Variants in CA10 observed in about 807,000 individuals in gnomAD.
CA10 encodes the protein carbonic anhydrase-related protein 10.
CA10 carries 14 observed loss-of-function variants against 44.2 expected under a neutral mutation model. The observed-to-expected ratio is 0.32, with a 90% confidence interval of 0.21 to 0.50. The LOEUF (loss-of-function observed/expected upper bound fraction) is 0.50, where lower values mean the gene tolerates loss of function less well. CA10 is among the 20% of genes least tolerant of loss of function. The pLI, the probability that CA10 is intolerant of heterozygous loss-of-function variation, is 0.99. For missense variants in CA10, 350 were observed against 409.7 expected, an observed-to-expected ratio of 0.85 and a Z score of 1.26; for synonymous variants, 159 against 141.6, an observed-to-expected ratio of 1.12 and a Z score of -0.87.
chr17:52,014,719 G>C (rs1324162938), intron 2 of CA10, among the ~76,000 whole-genome samples: 1 of 151,858 alleles, frequency 6.6e-6, no homozygotes, highest in Non-Finnish European at 1.5e-5. Flanking sequence ...TATAATATTA[G>C]TATCCAGAAC....
chr17:51,670,154 T>C (rs1321221713), intron 4 of CA10, among the ~76,000 whole-genome samples: 1 of 152,184 alleles, frequency 6.6e-6, no homozygotes, highest in Non-Finnish European at 1.5e-5. Context: ...CTCTTTTCTT[T>C]ATAAATTACC....
At chr17:51,804,578 T>C (rs1014772197) in intron 3 of CA10, among the ~76,000 whole-genome samples, 2 of 152,220 alleles carry the variant, frequency 1.3e-5, no homozygotes, top group African/African-American at 2.4e-5. Context: ...TCTATTAATA[T>C]AGACTCCCAG....
intron 3 of CA10, among the ~76,000 whole-genome samples, chr17:51,856,846 G>A (rs1979068660): frequency 6.6e-6 from 1 of 152,160 alleles, no homozygotes; most frequent in Non-Finnish European, 1.5e-5. Context: ...TCAACAGGCT[G>A]ATAAAATGGT....
At chr17:51,992,935 C>T (rs1985094529) in intron 2 of CA10, among the ~76,000 whole-genome samples, 1 of 152,164 alleles carries the variant, frequency 6.6e-6, no homozygotes, top group Admixed American at 6.5e-5. Context: ...AAAAATTATT[C>T]GCGATAAAAT....
chr17:51,789,013 T>C (rs556639030), intron 3 of CA10, among the ~76,000 whole-genome samples: 1 of 152,332 alleles, frequency 6.6e-6, no homozygotes, highest in South Asian at 2.1e-4. Context: ...TACAGTTTTC[T>C]TTCTTTCTTT....
intron 1 of CA10, among the ~76,000 whole-genome samples, chr17:52,125,171 C>G (rs1171070725): frequency 6.6e-6 from 1 of 152,220 alleles, no homozygotes; most frequent in African/African-American, 2.4e-5. Flanking sequence ...GCTGAGTCAG[C>G]GTTGGTGTCA....
intron 2 of CA10, among the ~76,000 whole-genome samples, chr17:52,039,229 A>C (rs1986701602): frequency 6.6e-6 from 1 of 152,168 alleles, no homozygotes; most frequent in Non-Finnish European, 1.5e-5. Flanking sequence ...TTATTATTGT[A>C]GCACTGAAAT....
chr17:51,924,581 C>G (rs931121742), intron 3 of CA10, among the ~76,000 whole-genome samples: 1 of 152,162 alleles, frequency 6.6e-6, no homozygotes, highest in African/African-American at 2.4e-5. Context: ...CTTGCATGGA[C>G]TGATTCAACA....
intron 3 of CA10, among the ~76,000 whole-genome samples, chr17:51,836,193 A>G (rs989472313): frequency 5.9e-5 from 9 of 152,244 alleles, no homozygotes; most frequent in African/African-American, 1.9e-4. Flanking sequence ...TAGGACTACA[A>G]CAGTCTTTGT....
chr17:51,788,864 T>A (rs565889631), intron 3 of CA10, among the ~76,000 whole-genome samples: 1 of 152,146 alleles, frequency 6.6e-6, no homozygotes, highest in Non-Finnish European at 1.5e-5. Context: ...CCCTGAAAGA[T>A]TGGGATAAAA....
intron 3 of CA10, among the ~76,000 whole-genome samples, chr17:51,893,172 C>A (rs540923220): frequency 1.2e-4 from 18 of 152,004 alleles, no homozygotes; most frequent in African/African-American, 4.3e-4. Flanking sequence ...TATGTGATAT[C>A]CTAACGAAAA....
intron 5 of CA10, among the ~76,000 whole-genome samples, chr17:51,653,216 C>G (rs932298429): frequency 1.3e-5 from 2 of 152,036 alleles, no homozygotes; most frequent in Admixed American, 6.6e-5. Flanking sequence ...TAGTGCAGTG[C>G]CTGGAGGGGA....
chr17:52,004,264 A>G (rs1287818826), intron 2 of CA10, among the ~76,000 whole-genome samples: 1 of 151,986 alleles, frequency 6.6e-6, no homozygotes, highest in Non-Finnish European at 1.5e-5. Flanking sequence ...GTCAGTCCCA[A>G]TCAATGCATT....
chr17:52,007,286 G>A (rs1985632938), intron 2 of CA10, among the ~76,000 whole-genome samples: 1 of 151,316 alleles, frequency 6.6e-6, no homozygotes, highest in Non-Finnish European at 1.5e-5. Context: ...GCTAGCAGTA[G>A]CCTTGAATAT....
chr17:51,741,968 G>T (rs1291419836), intron 4 of CA10, among the ~76,000 whole-genome samples: 1 of 152,194 alleles, frequency 6.6e-6, no homozygotes, highest in Non-Finnish European at 1.5e-5. Context: ...AGCTGCATGT[G>T]GTCGGTCAGT....
chr17:52,015,788 A>G (rs1056200333), intron 2 of CA10, among the ~76,000 whole-genome samples: 1 of 152,120 alleles, frequency 6.6e-6, no homozygotes, highest in African/African-American at 2.4e-5. Flanking sequence ...CTTACCTAAG[A>G]ACATCCACTG....
At chr17:51,795,313 G>A (rs1192221097) in intron 3 of CA10, among the ~76,000 whole-genome samples, 2 of 152,208 alleles carry the variant, frequency 1.3e-5, no homozygotes, top group Non-Finnish European at 2.9e-5. Context: ...AATGATGGCA[G>A]CAAGGCCCCA....
chr17:51,643,136 A>G (rs1913164965), intron 6 of CA10, among the ~76,000 whole-genome samples: 1 of 152,182 alleles, frequency 6.6e-6, no homozygotes, highest in African/African-American at 2.4e-5. Context: ...TTTGCACTTC[A>G]TTGGTCACTA....
At chr17:51,748,706 G>A (rs1032166672) in intron 3 of CA10, among the ~76,000 whole-genome samples, 1 of 152,130 alleles carries the variant, frequency 6.6e-6, no homozygotes, top group Non-Finnish European at 1.5e-5. Flanking sequence ...TGAACTATTT[G>A]GATTTTCTTC....
Sources: allele counts gnomAD v4.1 joint callset (sites outside exome capture counted in the v4.1 genomes callset), GRCh38; gene constraint gnomAD v4.1.1; transcripts MANE v1.5; gene names NCBI Gene and HGNC (gene_info 2026-07-23, HGNC 2026-07-21).